Variants in PDS5A observed in about 807,000 individuals in gnomAD.
The protein encoded by PDS5A is sister chromatid cohesion protein PDS5 homolog A.
Under a neutral mutation model 167.1 loss-of-function variants are expected in PDS5A, and 42 were observed. The observed-to-expected ratio is 0.25, with a 90% CI of 0.20 to 0.33. The LOEUF (loss-of-function observed/expected upper bound fraction) is 0.33. PDS5A is among the 10% of genes least tolerant of loss of function. PDS5A has a pLI of 1.00. For synonymous variants in PDS5A, 553 were observed against 554.6 expected, an observed-to-expected ratio of 1.00 and a Z score of 0.04; for missense variants, 1,033 against 1,605.9, an observed-to-expected ratio of 0.64 and a Z score of 6.10.
intron 2 of PDS5A, among the ~76,000 whole-genome samples, chr4:39,954,194 A>AC (rs1478594083): frequency 1.3e-5 from 2 of 151,656 alleles, no homozygotes; most frequent in East Asian, 3.9e-4. Context: ...AAAAAAACAA[A>AC]CAAACAGAAA....
At chr4:39,934,051 A>G (rs1286838810) in intron 2 of PDS5A, among the ~76,000 whole-genome samples, 1 of 152,178 alleles carries the variant, frequency 6.6e-6, no homozygotes, top group East Asian at 1.9e-4. Context: ...AGAGGGAAGA[A>G]GCATCCATTT....
At chr4:39,842,696 G>A (rs567722890) in intron 30 of PDS5A, among the ~76,000 whole-genome samples, 1 of 151,376 alleles carries the variant, frequency 6.6e-6, no homozygotes, top group African/African-American at 2.4e-5. Context: ...ACCCTGATTT[G>A]ATCACTATAC....
chr4:39,902,774 T>C (rs1301926731), intron 12 of PDS5A, among the ~76,000 whole-genome samples: 2 of 152,140 alleles, frequency 1.3e-5, no homozygotes, highest in Admixed American at 1.3e-4. Context: ...CCGCCTGCCT[T>C]AGCGTCCTGA....
chr4:39,859,895 C>G (rs1397352667), intron 26 of PDS5A, among the ~76,000 whole-genome samples: 1 of 152,144 alleles, frequency 6.6e-6, no homozygotes, highest in African/African-American at 2.4e-5. Context: ...CTCACTGCTC[C>G]AATCAGTGGG....
At chr4:39,942,657 C>T (rs1328573436) in intron 2 of PDS5A, among the ~76,000 whole-genome samples, 1 of 152,096 alleles carries the variant, frequency 6.6e-6, no homozygotes, top group Non-Finnish European at 1.5e-5. Flanking sequence ...GACTCCTGGG[C>T]TCAAGCGATA....
rs537642261 is a variant in PDS5A at position 39,929,313 on chromosome 4, T to C, written c.139-1149A>G. 3.3e-5 allele frequency among the ~76,000 whole-genome samples: 5 copies of C among 151,824 alleles called. No homozygotes were observed. In the South Asian group the frequency reaches 1.0e-3, roughly 32 times the overall value. ...AGCTGGTGGGCACAATCTAATCAGC[T>C]TCCATCGAATATAAAGTAGGCAGAA... is the stretch of plus-strand genomic sequence containing the variant. On this transcript the variant is annotated intron_variant, in intron 2 of 32. Coordinates refer to ENST00000303538, the MANE Select transcript of PDS5A (RefSeq NM_001100399.2).
Position 39,908,548 on chromosome 4 carries a change from A to G in PDS5A, c.1088-8T>C. 6.6e-7 allele frequency: 1 copy of G among 1,506,382 alleles called. No individual in the cohort carries two copies. Among genetic ancestry groups the G allele is most frequent in the Non-Finnish European group, 9.1e-7 (1 of 1,099,598 alleles). The allele number at this position is 1,506,382 out of a possible 1,614,324, so 93.3% of individuals were successfully genotyped here. On this transcript the variant is annotated splice_polypyrimidine_tract_variant and splice_region_variant and intron_variant, in intron 10 of 32. Transcript: ENST00000303538. Reference sequence around the variant, plus strand: ...ATCTAACCTTTAAATATTCTGTAATAAGAGAAAAAAAACTTAGGCTAAATG... The same window carrying G: ...ATCTAACCTTTAAATATTCTGTAATGAGAGAAAAAAAACTTAGGCTAAATG...
At chr4:39,967,305 AAAAAG>A (rs964100549) in intron 2 of PDS5A, among the ~76,000 whole-genome samples, 21 of 151,894 alleles carry the variant, frequency 1.4e-4, no homozygotes, top group Admixed American at 2.6e-4. Flanking sequence ...ATTCCATCTC[AAAAAG>A]AAAAGAAAAG....
At chr4:39,967,969 C>T (rs1730143930) in intron 2 of PDS5A, among the ~76,000 whole-genome samples, 1 of 151,956 alleles carries the variant, frequency 6.6e-6, no homozygotes, top group Non-Finnish European at 1.5e-5. Context: ...TCAAGGCCCT[C>T]TTACCTCCAA....
chr4:39,972,663 C>A (rs1024135362), intron 2 of PDS5A, among the ~76,000 whole-genome samples: 20 of 148,076 alleles, frequency 1.4e-4, no homozygotes, highest in Admixed American at 7.5e-4. Flanking sequence ...CTGTACCCAA[C>A]CACAACTTTC....
At position 39,908,673 on chromosome 4, in the gene PDS5A, A is replaced by G; in HGVS notation, c.1088-133T>C. 1.6e-5 allele frequency: 10 copies of G among 627,992 alleles called. No homozygotes were observed. The South Asian group carries it at 1.8e-4, about 11-fold the overall frequency. 38.9% of individuals were successfully genotyped at this position (627,992 alleles called of 1,614,324 possible). Reference sequence around the variant, plus strand: ...TGTTTGTAAAATATGGCATGAAATTAAATCATGTTATTTTTACAGCAGCAG... The same window carrying G: ...TGTTTGTAAAATATGGCATGAAATTGAATCATGTTATTTTTACAGCAGCAG... On this transcript the variant is annotated intron_variant, in intron 10 of 32. Coordinates refer to ENST00000303538, the MANE Select transcript of PDS5A (RefSeq NM_001100399.2).
Position 39,945,976 on chromosome 4 carries a change from AG to A in PDS5A, c.139-17813del, listed in dbSNP as rs202229395. Among the ~76,000 whole-genome samples the A allele has an allele frequency of 1.0e-3, 153 of 151,618 alleles. 1 individual carries two copies. The highest frequency in any genetic ancestry group is 3.3e-3 in the African/African-American group (135 of 41,386). ...TAGCACTTTGGGAGGCCGTGGAGGG[AG>A]GGGGGGATCACTTGAGGTCAGGAGT... is the stretch of plus-strand genomic sequence containing the variant. On this transcript the variant is annotated intron_variant, in intron 2 of 32. Transcript: ENST00000303538.
chr4:39,865,135 TTTTC>T (rs1719320576), intron 23 of PDS5A, among the ~76,000 whole-genome samples: 4 of 152,196 alleles, frequency 2.6e-5, no homozygotes, highest in South Asian at 2.1e-4. Context: ...TAACGTTTTT[TTTTC>T]TTTCTGATTT....
intron 8 of PDS5A, among the ~76,000 whole-genome samples, chr4:39,914,155 C>CA (rs1338509232): frequency 2.8e-5 from 4 of 143,456 alleles, no homozygotes; most frequent in African/African-American, 1.0e-4. Flanking sequence ...TTTTGATATA[C>CA]AAATTTGTTT....
intron 2 of PDS5A, among the ~76,000 whole-genome samples, chr4:39,948,564 C>A (rs1215483535): frequency 6.7e-6 from 1 of 149,472 alleles, no homozygotes; most frequent in African/African-American, 2.5e-5. Context: ...ACCTCATGAT[C>A]CACCTGCCTC....
At chr4:39,901,718 ATCCT>A (rs1373247468) in intron 13 of PDS5A, among the ~76,000 whole-genome samples, 2 of 152,176 alleles carry the variant, frequency 1.3e-5, no homozygotes, top group Non-Finnish European at 2.9e-5. Context: ...GGCTGAAAAG[ATCCT>A]TCCATCTTCA....
At position 39,893,564 on chromosome 4, in the gene PDS5A, T is replaced by C. The variant is rs1011217961; in HGVS notation, c.1771-3200A>G. ...TCTCAAGGATGGAATGCAAGCTACA[T>C]AGAATGAGAGAAACTAAATTTTACA... is the stretch of plus-strand genomic sequence containing the variant. On this transcript the variant is annotated intron_variant, in intron 16 of 32. Transcript: ENST00000303538. Among the ~76,000 whole-genome samples, 8 of 152,200 alleles carry C rather than the reference T, an allele frequency of 5.3e-5. No individual in the cohort carries two copies. The East Asian group carries it at 7.7e-4, about 15-fold the overall frequency.
rs1553892691 is a variant in PDS5A, at chr4:39,867,772, ACACC to A, written c.2506-779_2506-776del. ...CACACACACACACACACACACACAC[ACACC>A]CCACAACTGTACTGATTGTGGTGAC... is the stretch of plus-strand genomic sequence containing the variant. On this transcript the variant is annotated intron_variant, in intron 22 of 32. Transcript: ENST00000303538. 5.5e-5 allele frequency among the ~76,000 whole-genome samples: 5 copies of A among 90,596 alleles called. 1 individual carries two copies. Among genetic ancestry groups the A allele is most frequent in the Non-Finnish European group, 4.5e-5 (2 of 44,464 alleles). The allele number at this position is 90,596 out of a possible 152,430, so 59.4% of individuals were successfully genotyped here. A position where few individuals can be genotyped will look rare whatever the true frequency, so the allele number is the denominator to read the frequency against.
chr4:39,913,618 GA>G lies in PDS5A; in HGVS notation c.984del (p.Gly330AspfsTer10). 6.4e-7 allele frequency: 1 copy of G among 1,570,760 alleles called. No individual in the cohort carries two copies. Among genetic ancestry groups the G allele is most frequent in the Non-Finnish European group, 8.8e-7 (1 of 1,140,644 alleles). ...ATQNRPLWQC[F>X]LGRFNDIHVP... Reference sequence around the variant, plus strand: ...AATTATATGTTCTCTTACCGTCCAAGAAAACATTGCCAAAGAGGACGATTCT... The same window carrying G: ...AATTATATGTTCTCTTACCGTCCAAGAAACATTGCCAAAGAGGACGATTCT... On this transcript the variant is annotated frameshift_variant, in exon 9 of 33. Coordinates refer to ENST00000303538, the MANE Select transcript of PDS5A (RefSeq NM_001100399.2). LOFTEE classifies it high-confidence loss of function.
Sources: gnomAD v4.1 joint callset for allele counts (sites outside exome capture counted in the v4.1 genomes callset) on GRCh38, gnomAD v4.1.1 for gene constraint, MANE v1.5 for transcripts, NCBI Gene and HGNC (gene_info 2026-07-23, HGNC 2026-07-21) for gene names.